The following AXIN1 variants were observed in gnomAD, a reference collection of about 807,000 sequenced individuals.
AXIN1 encodes axin 1.
A neutral mutation model predicts 76.4 loss-of-function variants in AXIN1; 30 were observed. The ratio of observed to expected loss-of-function variants is 0.39; its 90% CI spans 0.29 to 0.53. AXIN1 has a LOEUF of 0.53. Ranked by LOEUF, AXIN1 falls within the 20% of genes least tolerant of loss-of-function variation. The pLI is 0.66. For synonymous variants in AXIN1, 545 were observed against 501.4 expected, an observed-to-expected ratio of 1.09 and a Z score of -1.16; for missense variants, 1,140 against 1,198.8, an observed-to-expected ratio of 0.95 and a Z score of 0.72.
intron 1 of AXIN1, among the ~76,000 whole-genome samples, chr16:350,590 G>A (rs905286451): frequency 6.6e-6 from 1 of 151,762 alleles, no homozygotes; most frequent in Non-Finnish European, 1.5e-5. Flanking sequence ...GAGGAGGCAA[G>A]TAACACAACA....
In AXIN1 at chr16:293,630, A is replaced by G. The variant is rs2141486357; in HGVS notation, c.2044T>C (p.Ser682Pro). 6.2e-7 allele frequency: 1 copy of G among 1,613,480 alleles called. No individual in the cohort carries two copies. Residue 682 changes from serine to proline, a missense_variant, in exon 8 of 11, where the codon TCC becomes CCC. Physicochemically the swap from Ser to Pro is moderately conservative, Grantham distance 74. This residue lies in a region of AXIN1 where 429 missense variants were observed against 405.8 expected (regional missense o/e 1.06). Coordinates refer to ENST00000262320, the MANE Select transcript of AXIN1 (RefSeq NM_003502.4). The surrounding 1 kb of genome is among the most constrained non-coding windows in gnomAD (Gnocchi z 4.6). Reference sequence around the variant, plus strand: ...ATGAAGAGGTGGGAGGGCTGCACGGAGGTCCGGAGCTGAGGGCCGGCCCAG... The same window carrying G: ...ATGAAGAGGTGGGAGGGCTGCACGGGGGTCCGGAGCTGAGGGCCGGCCCAG... ...HPWAGPQLRT[S>P]VQPSHLFIQD...
chr16:314,871 G>A (rs1168354698), intron 2 of AXIN1, among the ~76,000 whole-genome samples, 188 bp from the exon 3 acceptor site: 6 of 152,096 alleles, frequency 3.9e-5, no homozygotes, highest in Admixed American at 3.9e-4. Flanking sequence ...CCTTTTCAAC[G>A]GGGTGCATTA....
chr16:297,743 G>T lies in AXIN1; in HGVS notation c.1763C>A (p.Ala588Asp), dbSNP rs1436687246. ...TCACCTGTGGGCGAGGCCATCACTG[G>T]CGTTGGGGGCAGCGCCAACACTCTC... ...YSESVGAAPN[A>D]SDGLAHSGKV... Residue 588 changes from alanine to aspartate, a missense_variant, in exon 6 of 11, where the codon GCC (alanine) becomes GAC (aspartate). Around this residue, in one of 3 missense-constraint regions of AXIN1, gnomAD observed 429 missense variants for 405.8 expected, o/e 1.06. Transcript: ENST00000262320. 6.3e-7 allele frequency: 1 copy of T among 1,598,792 alleles called. No individual in the cohort carries two copies. Among genetic ancestry groups the T allele is most frequent in the South Asian group, 1.1e-5 (1 of 90,060 alleles).
At chr16:327,262 G>A (rs970967491) in intron 2 of AXIN1, among the ~76,000 whole-genome samples, 2 of 152,094 alleles carry the variant, frequency 1.3e-5, no homozygotes, top group Non-Finnish European at 2.9e-5. Context: ...AACAGGTGAT[G>A]GGCTGACCAG....
At chr16:324,771 G>C (rs758216367) in intron 2 of AXIN1, among the ~76,000 whole-genome samples, 2 of 152,126 alleles carry the variant, frequency 1.3e-5, no homozygotes, top group African/African-American at 4.8e-5. Flanking sequence ...CGACCCCCCG[G>C]AACAGCACAG....
chr16:329,889 TC>T (rs1371972483), intron 2 of AXIN1, among the ~76,000 whole-genome samples: 1 of 151,432 alleles, frequency 6.6e-6, no homozygotes, highest in Non-Finnish European at 1.5e-5. Context: ...CGCCTCAGCC[TC>T]CCAGAGTGCT....
At chr16:296,011 G>A (rs2052702215) in intron 7 of AXIN1, among the ~76,000 whole-genome samples, 3 of 152,192 alleles carry the variant, frequency 2.0e-5, no homozygotes, top group Non-Finnish European at 4.4e-5. Flanking sequence ...CATGCCTGTA[G>A]TCCCAGCATT....
chr16:326,372 A>AAAAAATAT (rs1380874299), intron 2 of AXIN1, among the ~76,000 whole-genome samples: 6 of 86,466 alleles, frequency 6.9e-5, no homozygotes, highest in African/African-American at 3.5e-4. Context: ...AAAAAAAAAA[A>AAAAAATAT]ATATATATAT....
intron 5 of AXIN1, among the ~76,000 whole-genome samples, chr16:303,467 T>C (rs1299100017): frequency 6.6e-6 from 1 of 151,804 alleles, no homozygotes; most frequent in African/African-American, 2.4e-5. Flanking sequence ...CTGAAGCCTC[T>C]GCCTCCTGGG....
intron 8 of AXIN1, chr16:291,716 AGG>A: frequency 6.3e-6 from 2 of 315,650 alleles, no homozygotes; most frequent in Non-Finnish European, 1.2e-5. Flanking sequence ...TCTGCACCTC[AGG>A]GAGGCTGAGG....
At chr16:291,534 A>C in intron 8 of AXIN1, 2 of 588,006 alleles carry the variant, frequency 3.4e-6, no homozygotes, top group Non-Finnish European at 6.2e-6. Context: ...CAACCCCCTG[A>C]GTTCCCTGGA....
rs1220793220 is a variant in AXIN1, at chr16:298,024, C to T, written c.1482G>A (p.Pro494=). The change falls in exon 6 of 11, where the codon CCG becomes CCA. Residue 494 remains proline (P), a synonymous_variant. Coordinates refer to ENST00000262320, the MANE Select transcript of AXIN1 (RefSeq NM_003502.4). ...RQSPGPGHRS[P]DSGHVAKMPV... Reference sequence around the variant, plus strand: ...GCATCTTGGCCACGTGCCCACTGTCCGGGGAGCGATGGCCAGGCCCAGGCG... The same window carrying T: ...GCATCTTGGCCACGTGCCCACTGTCTGGGGAGCGATGGCCAGGCCCAGGCG... 2.5e-6 allele frequency: 4 copies of T among 1,593,902 alleles called. No homozygotes were observed. Among genetic ancestry groups the T allele is most frequent in the African/African-American group, 1.3e-5 (1 of 74,812 alleles).
intron 4 of AXIN1, among the ~76,000 whole-genome samples, chr16:309,090 G>A (rs2053103467): frequency 6.6e-6 from 1 of 152,092 alleles, no homozygotes; most frequent in South Asian, 2.1e-4. Context: ...CAGCACTTTG[G>A]GAGGCTGAAA....
At chr16:306,241 C>T (rs574050142) in intron 4 of AXIN1, among the ~76,000 whole-genome samples, 4 of 152,116 alleles carry the variant, frequency 2.6e-5, no homozygotes, top group South Asian at 2.1e-4. Context: ...AAAGCAAGGT[C>T]GCTCTCATAC....
intron 9 of AXIN1, 25 bp downstream of exon 9, chr16:291,165 G>A (rs771140063): frequency 1.5e-5 from 23 of 1,558,454 alleles, no homozygotes; most frequent in Admixed American, 9.7e-5. Flanking sequence ...GGGCAGGACC[G>A]GGAGGACCCT....
intron 2 of AXIN1, among the ~76,000 whole-genome samples, chr16:316,379 T>C (rs995459500): frequency 6.6e-6 from 1 of 152,252 alleles, no homozygotes; most frequent in Admixed American, 6.5e-5. Context: ...AGCGCCTCTC[T>C]CCACCACATC....
intron 6 of AXIN1, 85 bp downstream of exon 6, chr16:297,637 C>T (rs2052750147): frequency 1.2e-5 from 17 of 1,457,318 alleles, no homozygotes; most frequent in Non-Finnish European, 1.4e-5. Flanking sequence ...TCCTGGGTTT[C>T]CTGAGTTTTA....
intron 2 of AXIN1, among the ~76,000 whole-genome samples, chr16:340,952 G>C (rs2053905156): frequency 6.6e-6 from 1 of 152,238 alleles, no homozygotes; most frequent in Admixed American, 6.5e-5. Flanking sequence ...GGCCGTGCTG[G>C]ACCGCAGCAG....
chr16:320,740 TA>T lies in AXIN1; in HGVS notation c.879-6058del, dbSNP rs1239504746. Among the ~76,000 whole-genome samples the T allele has an allele frequency of 5.4e-3, 510 of 95,156 alleles. 7 individuals carry two copies. Among genetic ancestry groups the T allele is most frequent in the Middle Eastern group, 0.026 (5 of 196 alleles). 62.4% of individuals were successfully genotyped at this position (95,156 alleles called of 152,430 possible). A position where few individuals can be genotyped will look rare whatever the true frequency, so the allele number is the denominator to read the frequency against. ...GTGTGTGTGTATATATATATATATATATATTTTTTTTTTTTTTGAGACGGAG... is the reference window on the plus strand; with the variant it reads ...GTGTGTGTGTATATATATATATATATTATTTTTTTTTTTTTTGAGACGGAG... On this transcript the variant is annotated intron_variant, in intron 2 of 10. Transcript: ENST00000262320.
Sources: allele counts gnomAD v4.1 joint callset (sites outside exome capture counted in the v4.1 genomes callset), GRCh38; gene constraint gnomAD v4.1.1; regional missense constraint gnomAD v4.1.1; non-coding constraint Gnocchi (gnomAD v3.1); transcripts MANE v1.5; gene names NCBI Gene and HGNC (gene_info 2026-07-23, HGNC 2026-07-21).